MAPKAPK3: variants seen among roughly 807,000 people sequenced by gnomAD.
MAPKAPK3 encodes the protein MAP kinase-activated protein kinase 3.
A neutral mutation model predicts 49.2 loss-of-function variants in MAPKAPK3; 35 were observed. The ratio of observed to expected loss-of-function variants is 0.71; its 90% CI spans 0.54 to 0.94. MAPKAPK3 has a LOEUF of 0.94. Among genes scored for constraint, MAPKAPK3 ranks in the 40% least tolerant of loss-of-function variants. MAPKAPK3 has a pLI of 0.00. For missense variants in MAPKAPK3, 398 were observed against 493.1 expected, an observed-to-expected ratio of 0.81 and a Z score of 1.83; for synonymous variants, 178 against 188.7, an observed-to-expected ratio of 0.94 and a Z score of 0.46.
chr3:50,638,027 G>A (rs2033085200), intron 2 of MAPKAPK3, among the ~76,000 whole-genome samples: 1 of 152,216 alleles, frequency 6.6e-6, no homozygotes, highest in Admixed American at 6.5e-5. Flanking sequence ...TGTGGCCACA[G>A]GTGGATTAGA....
In MAPKAPK3 at chr3:50,646,200, G is replaced by A. The variant is rs1380843262; in HGVS notation, c.765G>A (p.Lys255=). The A allele has an allele frequency of 6.2e-7, 1 of 1,614,066 alleles. No individual in the cohort carries two copies. The highest frequency in any genetic ancestry group is 1.7e-5 in the Admixed American group (1 of 60,006). Residue 255 remains lysine (K), a synonymous_variant, in exon 8 of 11, where the codon AAG becomes AAA. Transcript: ENST00000621469. ...NTGQAISPGM[K]RRIRLGQYGF... is the part of the protein sequence containing the mutation. ...GCCAGGCCATCTCCCCGGGGATGAAGAGGAGGATTCGCCTGGGCCAGTACG... is the reference window on the plus strand; with the variant it reads ...GCCAGGCCATCTCCCCGGGGATGAAAAGGAGGATTCGCCTGGGCCAGTACG...
At chr3:50,617,040 C>T (rs2032480886), upstream of MAPKAPK3, 1 of 147,562 alleles carries the variant, frequency 6.8e-6, no homozygotes, top group African/African-American at 2.5e-5. Flanking sequence ...TTAAGGCTGA[C>T]CTAGCGGGGC....
chr3:50,612,571 C>T (rs2032361551), upstream of MAPKAPK3: 1 of 152,160 alleles, frequency 6.6e-6, no homozygotes, highest in Non-Finnish European at 1.5e-5. Flanking sequence ...CACGCCCCAA[C>T]TTTTCGAATC....
At chr3:50,611,705 G>A, upstream of MAPKAPK3, 1 of 1,449,902 alleles carries the variant, frequency 6.9e-7, no homozygotes, top group Non-Finnish European at 9.1e-7. Flanking sequence ...GGCGGCGGCT[G>A]GAGGGAACCA....
intron 2 of MAPKAPK3, among the ~76,000 whole-genome samples, chr3:50,628,254 C>T (rs1424522134): frequency 6.6e-6 from 1 of 152,184 alleles, no homozygotes; most frequent in Non-Finnish European, 1.5e-5. Context: ...CCTCACTTGC[C>T]CTGGCCACCC....
chr3:50,616,412 G>A (rs1158720503), upstream of MAPKAPK3, among the ~76,000 whole-genome samples: 1 of 152,214 alleles, frequency 6.6e-6, no homozygotes, highest in Admixed American at 6.5e-5. Flanking sequence ...AGACTTATAT[G>A]TGCAAGGCAA....
At chr3:50,621,297 C>T (rs1274946053) in intron 2 of MAPKAPK3, among the ~76,000 whole-genome samples, 5 of 152,018 alleles carry the variant, frequency 3.3e-5, no homozygotes, top group Admixed American at 2.0e-4. Flanking sequence ...TATCTCTACA[C>T]AAAATTTAAA....
upstream of MAPKAPK3, among the ~76,000 whole-genome samples, chr3:50,614,500 A>AGTGTGAGT (rs1553624725): frequency 7.2e-6 from 1 of 138,856 alleles, no homozygotes; most frequent in African/African-American, 2.8e-5. Flanking sequence ...GTAAGGACAG[A>AGTGTGAGT]GTGTGTGTGT....
intron 5 of MAPKAPK3, 30 bp downstream of exon 5, chr3:50,642,362 C>T (rs754231857): frequency 1.3e-5 from 21 of 1,556,466 alleles, no homozygotes; most frequent in East Asian, 1.1e-4. Flanking sequence ...GTTGGGGGCC[C>T]GGGGAAGAGG....
At position 50,612,033 on chromosome 3, in the gene MAPKAPK3, C is replaced by A. The variant is rs1258725702; in HGVS notation, c.-471C>A. ...TCCAGGAAAACGGGGCGGGGCCCCG[C>A]GAGCTGACCAATCGCGACGCTGAAG... On this transcript the variant is annotated 5_prime_UTR_variant, in exon 1 of 13. Transcript: ENST00000446044. 10 of 238,794 alleles carry A rather than the reference C, an allele frequency of 4.2e-5. No individual in the cohort carries two copies. The East Asian group carries it at 4.7e-4, about 11-fold the overall frequency. 14.8% of individuals were successfully genotyped at this position (238,794 alleles called of 1,614,324 possible). A position where few individuals can be genotyped will look rare whatever the true frequency, so the allele number is the denominator to read the frequency against.
intron 2 of MAPKAPK3, among the ~76,000 whole-genome samples, chr3:50,638,267 G>A (rs569933096): frequency 1.3e-5 from 2 of 152,196 alleles, no homozygotes; most frequent in East Asian, 1.9e-4. Flanking sequence ...GAAGGAACCC[G>A]GTGCAGGGAG....
intron 6 of MAPKAPK3, among the ~76,000 whole-genome samples, 163 bp from the exon 7 acceptor site, chr3:50,645,547 A>T (rs1316944634): frequency 6.6e-6 from 1 of 152,012 alleles, no homozygotes; most frequent in Non-Finnish European, 1.5e-5. Flanking sequence ...TCCTCCCCCA[A>T]CTTCACACAC....
Position 50,648,152 on chromosome 3 carries a change from T to A in MAPKAPK3, c.*106T>A. ...AGGGTCATTCTTTTAACAAAAGGAT[T>A]ATTTTGTTGTGTTTTAATTTGTCAC... On this transcript the variant is annotated 3_prime_UTR_variant, in exon 11 of 11. Coordinates refer to ENST00000621469, the MANE Select transcript of MAPKAPK3 (RefSeq NM_001243925.2). 1 of 1,184,438 alleles carries A rather than the reference T, an allele frequency of 8.4e-7. No individual in the cohort carries two copies. The highest frequency in any genetic ancestry group is 1.6e-5 in the South Asian group (1 of 64,086). 73.4% of individuals were successfully genotyped at this position (1,184,438 alleles called of 1,614,324 possible). A position where few individuals can be genotyped will look rare whatever the true frequency, so the allele number is the denominator to read the frequency against.
chr3:50,621,213 T>C (rs1051493018), intron 2 of MAPKAPK3, among the ~76,000 whole-genome samples: 3 of 152,076 alleles, frequency 2.0e-5, no homozygotes, highest in African/African-American at 7.2e-5. Context: ...ATCCCAGCAC[T>C]TTGGGAGGCT....
At chr3:50,624,130 C>T (rs921954378) in intron 2 of MAPKAPK3, among the ~76,000 whole-genome samples, 8 of 152,180 alleles carry the variant, frequency 5.3e-5, no homozygotes, top group African/African-American at 1.4e-4. Flanking sequence ...GGTGAGTGGG[C>T]GAGTGGAAAC....
At chr3:50,616,534 T>C (rs2032466890), upstream of MAPKAPK3, among the ~76,000 whole-genome samples, 1 of 152,140 alleles carries the variant, frequency 6.6e-6, no homozygotes, top group South Asian at 2.1e-4. Context: ...TCTGATCAAA[T>C]GGCAACTCGG....
At chr3:50,647,663 G>A (rs953431700) in intron 10 of MAPKAPK3, among the ~76,000 whole-genome samples, 3 of 152,268 alleles carry the variant, frequency 2.0e-5, no homozygotes, top group South Asian at 2.1e-4. Context: ...GGTGTGGTCC[G>A]AGGGAGTAAC....
At position 50,648,179 on chromosome 3, in the gene MAPKAPK3, C is replaced by G; in HGVS notation, c.*133C>G. 1.0e-6 allele frequency: 1 copy of G among 995,576 alleles called. No individual in the cohort carries two copies. Among genetic ancestry groups the G allele is most frequent in the Non-Finnish European group, 1.4e-6 (1 of 691,016 alleles). The allele number at this position is 995,576 out of a possible 1,614,324, so 61.7% of individuals were successfully genotyped here. Reference sequence around the variant, plus strand: ...TTTTGTTGTGTTTTAATTTGTCACTCGGAACTTCAGGATGGAGGACCCTGA... The same window carrying G: ...TTTTGTTGTGTTTTAATTTGTCACTGGGAACTTCAGGATGGAGGACCCTGA... On this transcript the variant is annotated 3_prime_UTR_variant, in exon 11 of 11. Transcript: ENST00000621469.
chr3:50,638,521 AC>A (rs2033094979), intron 2 of MAPKAPK3, among the ~76,000 whole-genome samples: 1 of 152,062 alleles, frequency 6.6e-6, no homozygotes. Flanking sequence ...CTTGACGCAC[AC>A]CCCCAGCCTG....
Sources: allele counts gnomAD v4.1 joint callset (sites outside exome capture counted in the v4.1 genomes callset), GRCh38; gene constraint gnomAD v4.1.1; transcripts MANE v1.5; gene names NCBI Gene and HGNC (gene_info 2026-07-23, HGNC 2026-07-21).